ARB2A: variants seen among roughly 807,000 people sequenced by gnomAD.
The protein encoded by ARB2A is cotranscriptional regulator ARB2A.
chr5:93,779,129 G>GCA, the ARB2A span, among the ~76,000 whole-genome samples: 16 of 137,952 alleles, frequency 1.2e-4, no homozygotes, highest in Middle Eastern at 4.0e-3. Context: ...GTGTGTGCGC[G>GCA]CGCGCGCGCA....
At chr5:93,678,639 C>T in the ARB2A span, among the ~76,000 whole-genome samples, 2 of 151,880 alleles carry the variant, frequency 1.3e-5, no homozygotes, top group Non-Finnish European at 2.9e-5. Flanking sequence ...GCCTGTAATC[C>T]CAGCTACTAG....
chr5:93,717,540 C>T, the ARB2A span, among the ~76,000 whole-genome samples: 7 of 148,950 alleles, frequency 4.7e-5, no homozygotes, highest in South Asian at 2.2e-4. Flanking sequence ...AATACACATA[C>T]GCAGAGGAAT....
the ARB2A span, among the ~76,000 whole-genome samples, chr5:93,872,374 G>T: frequency 6.6e-6 from 1 of 151,992 alleles, no homozygotes; most frequent in Admixed American, 6.5e-5. Flanking sequence ...GTCACAGTTG[G>T]TAAGCAAAAA....
the ARB2A span, chr5:93,824,184 A>T: frequency 3.1e-6 from 5 of 1,597,022 alleles, no homozygotes; most frequent in Non-Finnish European, 4.3e-6. Flanking sequence ...AGCTGTGAGC[A>T]ACGAAAAACA....
At chr5:94,012,265 G>A in the ARB2A span, among the ~76,000 whole-genome samples, 7 of 152,322 alleles carry the variant, frequency 4.6e-5, no homozygotes, top group South Asian at 1.2e-3. Flanking sequence ...AGCCAGGCGT[G>A]GTGGTGGGTG....
the ARB2A span, among the ~76,000 whole-genome samples, chr5:93,749,910 T>C: frequency 6.6e-6 from 1 of 152,124 alleles, no homozygotes; most frequent in African/African-American, 2.4e-5. Context: ...CCAAAAGAGC[T>C]CAGAAGCCCT....
At chr5:93,740,401 C>T in the ARB2A span, 7 of 644,124 alleles carry the variant, frequency 1.1e-5, no homozygotes, top group South Asian at 2.0e-4. Context: ...CATCTTCTCT[C>T]CCAGGTTTTT....
the ARB2A span, among the ~76,000 whole-genome samples, chr5:93,911,995 C>A: frequency 6.6e-6 from 1 of 151,694 alleles, no homozygotes; most frequent in Non-Finnish European, 1.5e-5. Context: ...TATATGAACA[C>A]TTCAGCTGTT....
chr5:93,913,021 T>C, the ARB2A span, among the ~76,000 whole-genome samples: 1 of 151,868 alleles, frequency 6.6e-6, no homozygotes, highest in Non-Finnish European at 1.5e-5. Context: ...CCTCTGGAGT[T>C]TGCTTTTAGG....
the ARB2A span, among the ~76,000 whole-genome samples, chr5:93,959,956 T>C: frequency 6.6e-6 from 1 of 152,008 alleles, no homozygotes; most frequent in Non-Finnish European, 1.5e-5. Flanking sequence ...GTTGACATTC[T>C]GGTGGCTGGT....
chr5:94,036,089 T>C, the ARB2A span, among the ~76,000 whole-genome samples: 1 of 152,196 alleles, frequency 6.6e-6, no homozygotes, highest in Non-Finnish European at 1.5e-5. Context: ...CGAGGATATA[T>C]CCAGCAAAAG....
the ARB2A span, among the ~76,000 whole-genome samples, chr5:94,051,216 A>AT: frequency 6.6e-6 from 1 of 152,240 alleles, no homozygotes; most frequent in Non-Finnish European, 1.5e-5. Flanking sequence ...TCAGGAAGCT[A>AT]AACAATCGAG....
chr5:93,870,477 C>T, the ARB2A span, among the ~76,000 whole-genome samples: 1 of 152,190 alleles, frequency 6.6e-6, no homozygotes, highest in African/African-American at 2.4e-5. Context: ...CTCTGTTCAG[C>T]TCCAGAAAAG....
At chr5:94,037,281 C>CT in the ARB2A span, among the ~76,000 whole-genome samples, 1 of 152,084 alleles carries the variant, frequency 6.6e-6, no homozygotes, top group Non-Finnish European at 1.5e-5. Context: ...TAGTATTCCA[C>CT]TTATAGGAAT....
chr5:94,077,567 A>C, the ARB2A span, among the ~76,000 whole-genome samples: 1 of 152,116 alleles, frequency 6.6e-6, no homozygotes, highest in Non-Finnish European at 1.5e-5. Context: ...TAAATTCTCA[A>C]TTTAGTTTTC....
the ARB2A span, among the ~76,000 whole-genome samples, chr5:93,924,033 G>T: frequency 6.6e-6 from 1 of 151,924 alleles, no homozygotes; most frequent in Non-Finnish European, 1.5e-5. Flanking sequence ...TTTTCTAGGA[G>T]GCTTAATTAT....
chr5:94,011,601 A>C, the ARB2A span, among the ~76,000 whole-genome samples: 1 of 152,184 alleles, frequency 6.6e-6, no homozygotes, highest in Admixed American at 6.5e-5. Context: ...TAAAGGAATA[A>C]CCAATATAAT....
the ARB2A span, among the ~76,000 whole-genome samples, chr5:94,061,989 A>G: frequency 6.6e-6 from 1 of 151,170 alleles, no homozygotes; most frequent in African/African-American, 2.4e-5. Context: ...ACAATTTTCT[A>G]AAAGAATAAA....
At chr5:93,915,385 C>T in the ARB2A span, among the ~76,000 whole-genome samples, 2 of 151,594 alleles carry the variant, frequency 1.3e-5, no homozygotes, top group Non-Finnish European at 2.9e-5. Flanking sequence ...CTTTCACTTA[C>T]TTCTGAGAAT....
Sources: allele counts gnomAD v4.1 joint callset (sites outside exome capture counted in the v4.1 genomes callset), GRCh38; gene constraint gnomAD v4.1.1; transcripts MANE v1.5; gene names NCBI Gene and HGNC (gene_info 2026-07-23, HGNC 2026-07-21).